The following NR3C2 variants were observed in gnomAD, a reference collection of about 807,000 sequenced individuals.
NR3C2 encodes the protein nuclear receptor subfamily 3 group C member 2.
Under a neutral mutation model 86.4 loss-of-function variants are expected in NR3C2, and 15 were observed. The observed-to-expected ratio is 0.17, with a 90% confidence interval of 0.12 to 0.27. The LOEUF (loss-of-function observed/expected upper bound fraction) is 0.27. Among genes scored for constraint, NR3C2 ranks in the 10% least tolerant of loss-of-function variants. The probability of loss-of-function intolerance (pLI) is 1.00; values close to 1 mark genes in which losing one functional copy is unlikely to be tolerated. For synonymous variants in NR3C2, 458 were observed against 450.5 expected, an observed-to-expected ratio of 1.02 and a Z score of -0.21; for missense variants, 960 against 1,195.6, an observed-to-expected ratio of 0.80 and a Z score of 2.91.
chr4:148,333,352 A>C (rs1402516896), intron 2 of NR3C2, among the ~76,000 whole-genome samples: 2 of 152,068 alleles, frequency 1.3e-5, no homozygotes, highest in African/African-American at 2.4e-5. Context: ...TCTAATAATT[A>C]GTCTCCCATT....
chr4:148,239,883 C>G (rs1184340513), intron 3 of NR3C2, among the ~76,000 whole-genome samples: 1 of 151,746 alleles, frequency 6.6e-6, no homozygotes, highest in East Asian at 1.9e-4. Context: ...TTGGAAGCTT[C>G]AGAGAACACA....
At chr4:148,126,133 A>G (rs1478420620) in intron 6 of NR3C2, among the ~76,000 whole-genome samples, 21 of 152,276 alleles carry the variant, frequency 1.4e-4, no homozygotes, top group Non-Finnish European at 3.1e-4. Context: ...ACAGCCCATC[A>G]GCCTTTCAGC....
chr4:148,301,886 T>C (rs1171572235), intron 2 of NR3C2, among the ~76,000 whole-genome samples: 3 of 152,230 alleles, frequency 2.0e-5, no homozygotes, highest in Non-Finnish European at 4.4e-5. Flanking sequence ...GGCAAAATGA[T>C]GTTTAATCTT....
intron 2 of NR3C2, among the ~76,000 whole-genome samples, chr4:148,330,089 A>G (rs776496249): frequency 6.6e-6 from 1 of 152,210 alleles, no homozygotes; most frequent in Non-Finnish European, 1.5e-5. Flanking sequence ...GGGGGTTTCT[A>G]AGGTTTAATC....
At chr4:148,121,347 G>A (rs1322223608) in intron 6 of NR3C2, among the ~76,000 whole-genome samples, 2 of 152,166 alleles carry the variant, frequency 1.3e-5, no homozygotes, top group Non-Finnish European at 2.9e-5. Context: ...AACCCATAAC[G>A]AAACACAGCA....
rs1258467536 is a variant in NR3C2, at chr4:148,442,194, C to G, written c.-37G>C. 1 of 152,784 alleles carries G rather than the reference C, an allele frequency of 6.5e-6. No homozygotes were observed. The highest frequency in any genetic ancestry group is 2.4e-5 in the African/African-American group (1 of 41,478). The allele number at this position is 152,784 out of a possible 1,614,324, so 9.5% of individuals were successfully genotyped here. On this transcript the variant is annotated 5_prime_UTR_variant, in exon 1 of 9. Coordinates refer to ENST00000358102, the MANE Select transcript of NR3C2 (RefSeq NM_000901.5). ...CCGGGGTCCGTCTCTCGCCGTCTACCTGTTGCAGCGCTTGCCACCGCCACG... is the reference window on the plus strand; with the variant it reads ...CCGGGGTCCGTCTCTCGCCGTCTACGTGTTGCAGCGCTTGCCACCGCCACG...
intron 6 of NR3C2, among the ~76,000 whole-genome samples, chr4:148,135,054 C>T (rs1733233991): frequency 6.6e-6 from 1 of 151,932 alleles, no homozygotes; most frequent in Non-Finnish European, 1.5e-5. Context: ...ATGCTTTGTA[C>T]AAAGAACTGG....
At chr4:148,317,550 T>A (rs886397312) in intron 2 of NR3C2, among the ~76,000 whole-genome samples, 1 of 151,988 alleles carries the variant, frequency 6.6e-6, no homozygotes, top group Non-Finnish European at 1.5e-5. Flanking sequence ...ATTAAAAAAA[T>A]ACAACTGGTT....
At chr4:148,209,479 G>A (rs923336409) in intron 3 of NR3C2, among the ~76,000 whole-genome samples, 10 of 151,978 alleles carry the variant, frequency 6.6e-5, no homozygotes, top group African/African-American at 2.4e-4. Context: ...TGGGTGGGAG[G>A]TAGAGACAGG....
chr4:148,345,898 C>T (rs746958147), intron 2 of NR3C2, among the ~76,000 whole-genome samples: 5 of 152,078 alleles, frequency 3.3e-5, no homozygotes, highest in Non-Finnish European at 5.9e-5. Flanking sequence ...AGAAGACAAA[C>T]ACAAGGCTTT....
intron 2 of NR3C2, among the ~76,000 whole-genome samples, chr4:148,402,822 C>G (rs1748235337): frequency 6.6e-6 from 1 of 152,064 alleles, no homozygotes; most frequent in Admixed American, 6.6e-5. Flanking sequence ...TTAAAAGACA[C>G]TCCCACCTGA....
intron 2 of NR3C2, among the ~76,000 whole-genome samples, chr4:148,363,745 C>T (rs1384671551): frequency 6.6e-6 from 1 of 152,046 alleles, no homozygotes; most frequent in African/African-American, 2.4e-5. Flanking sequence ...CCTTGTGATC[C>T]ACCCGCCTTG....
intron 2 of NR3C2, among the ~76,000 whole-genome samples, chr4:148,329,211 T>G (rs1325812884): frequency 2.0e-5 from 3 of 152,178 alleles, no homozygotes; most frequent in African/African-American, 7.2e-5. Context: ...CTACAGAATT[T>G]TCCAATGTAA....
At chr4:148,405,564 A>C (rs1420764076) in intron 2 of NR3C2, among the ~76,000 whole-genome samples, 1 of 152,210 alleles carries the variant, frequency 6.6e-6, no homozygotes, top group Non-Finnish European at 1.5e-5. Context: ...TCCTTGAACT[A>C]CTTATACCTG....
intron 3 of NR3C2, 70 bp downstream of exon 3, chr4:148,259,908 G>C: frequency 6.4e-7 from 1 of 1,570,814 alleles, no homozygotes; most frequent in Admixed American, 1.7e-5. Flanking sequence ...TAATGCTATA[G>C]CATTAGCTGT....
At chr4:148,288,801 C>T (rs1561021320) in intron 2 of NR3C2, among the ~76,000 whole-genome samples, 1 of 152,098 alleles carries the variant, frequency 6.6e-6, no homozygotes, top group African/African-American at 2.4e-5. Context: ...CAGCCATGCC[C>T]AAATCAGAGC....
At chr4:148,402,942 AG>A in intron 2 of NR3C2, among the ~76,000 whole-genome samples, 1 of 152,186 alleles carries the variant, frequency 6.6e-6, no homozygotes. Flanking sequence ...TTTGGTTTTG[AG>A]GGTGTCTTTT....
chr4:148,182,952 A>G (rs1735712510), intron 4 of NR3C2, among the ~76,000 whole-genome samples: 2 of 152,130 alleles, frequency 1.3e-5, no homozygotes, highest in South Asian at 2.1e-4. Flanking sequence ...TATTTCTCCT[A>G]ATGCTATACC....
At chr4:148,329,307 A>G (rs896046537) in intron 2 of NR3C2, among the ~76,000 whole-genome samples, 2 of 147,962 alleles carry the variant, frequency 1.4e-5, no homozygotes, top group Non-Finnish European at 3.0e-5. Flanking sequence ...AGAATGCACT[A>G]AAGTGAATAT....
Sources: allele counts gnomAD v4.1 joint callset (sites outside exome capture counted in the v4.1 genomes callset), GRCh38; gene constraint gnomAD v4.1.1; transcripts MANE v1.5; gene names NCBI Gene and HGNC (gene_info 2026-07-23, HGNC 2026-07-21).